Variants in VRK2 observed in about 807,000 individuals in gnomAD.
The protein encoded by VRK2 is VRK serine/threonine kinase 2.
A neutral mutation model predicts 57.6 loss-of-function variants in VRK2; 60 were observed. The observed-to-expected ratio is 1.04, with a 90% CI of 0.85 to 1.29. The LOEUF is 1.29. Among genes scored for constraint, VRK2 ranks in the 50% most tolerant of loss-of-function variants. The pLI is 0.00. For synonymous variants in VRK2, 231 were observed against 199.2 expected (o/e 1.16, Z -1.35); for missense variants, 705 against 588.1 (o/e 1.20, Z -2.06).
intron 7 of VRK2, among the ~76,000 whole-genome samples, chr2:58,112,164 G>A (rs565794494): frequency 2.6e-5 from 4 of 152,108 alleles, no homozygotes; most frequent in East Asian, 1.9e-4. Flanking sequence ...GCCAGGATTC[G>A]AATCCTGCTT....
intron 1 of VRK2, among the ~76,000 whole-genome samples, chr2:57,944,241 C>G (rs1671186644): frequency 6.6e-6 from 1 of 152,154 alleles, no homozygotes; most frequent in South Asian, 2.1e-4. Flanking sequence ...CAAGGTTTCT[C>G]TTTCTTTATT....
intron 1 of VRK2, among the ~76,000 whole-genome samples, chr2:57,952,752 A>AT (rs984603832): frequency 1.5e-4 from 20 of 130,020 alleles, no homozygotes; most frequent in Non-Finnish European, 2.7e-4. Context: ...CTGAAAATGA[A>AT]AAAAAAAAAA....
intron 7 of VRK2, among the ~76,000 whole-genome samples, chr2:58,103,595 G>A (rs908687501): frequency 3.3e-5 from 5 of 151,516 alleles, no homozygotes; most frequent in Non-Finnish European, 5.9e-5. Context: ...AGATAGAATC[G>A]GTAATAGAAA....
intron 1 of VRK2, among the ~76,000 whole-genome samples, chr2:58,013,675 C>T (rs1305065188): frequency 6.6e-6 from 1 of 151,244 alleles, no homozygotes; most frequent in Non-Finnish European, 1.5e-5. Context: ...ATCGAGACCA[C>T]GGTGAAACCC....
chr2:58,089,175 C>T (rs917393934), intron 6 of VRK2, among the ~76,000 whole-genome samples: 2 of 152,194 alleles, frequency 1.3e-5, no homozygotes, highest in African/African-American at 4.8e-5. Context: ...TATTACCATA[C>T]AGAGGAAGAA....
rs58729342 is a variant in VRK2, at chr2:58,028,903, A to AATATATATATATAT, written c.-333+3160_-333+3173dup. ...AGTATAATAAATAAATAAATAAATA[A>AATATATATATATAT]ATATATATATATATATATATATATA... is the stretch of plus-strand genomic sequence containing the variant. On this transcript the variant is annotated intron_variant, in intron 2 of 15. Coordinates refer to the VRK2 transcript ENST00000417641. Among the ~76,000 whole-genome samples, 195 of 53,998 alleles carry AATATATATATATAT rather than the reference A, an allele frequency of 3.6e-3. 2 individuals carry two copies. Among genetic ancestry groups the AATATATATATATAT allele is most frequent in the Non-Finnish European group, 5.4e-3 (153 of 28,206 alleles). The allele number at this position is 53,998 out of a possible 152,430, so 35.4% of individuals were successfully genotyped here.
chr2:58,102,356 C>T (rs1415464442), intron 7 of VRK2, among the ~76,000 whole-genome samples: 1 of 150,976 alleles, frequency 6.6e-6, no homozygotes, highest in Non-Finnish European at 1.5e-5. Context: ...TTACAAGAAA[C>T]TCACCTTGCT....
At chr2:57,992,271 G>C (rs1307358090) in intron 1 of VRK2, among the ~76,000 whole-genome samples, 1 of 152,118 alleles carries the variant, frequency 6.6e-6, no homozygotes, top group East Asian at 1.9e-4. Flanking sequence ...TTACTGCTTT[G>C]AGGAGAAATC....
At chr2:58,111,769 C>T (rs770308656) in intron 7 of VRK2, among the ~76,000 whole-genome samples, 2 of 151,518 alleles carry the variant, frequency 1.3e-5, no homozygotes, top group Middle Eastern at 3.4e-3. Context: ...AAATATTAGC[C>T]GTTTGTTTTT....
chr2:58,134,453 T>C (rs1381202501), intron 9 of VRK2, among the ~76,000 whole-genome samples: 1 of 149,196 alleles, frequency 6.7e-6, no homozygotes, highest in Admixed American at 6.6e-5. Context: ...CTACTAAAAA[T>C]ACAAAAAATT....
rs532655775 is a variant in VRK2, at chr2:58,131,722, C to T, written c.677-86C>T. On this transcript the variant is annotated intron_variant, in intron 8 of 12. Transcript: ENST00000340157. ...TTGCCTATTTGGCTTTTTCATATTTCATCAGTAGTAGTTCAACCAAAGATT... is the reference window on the plus strand; with the variant it reads ...TTGCCTATTTGGCTTTTTCATATTTTATCAGTAGTAGTTCAACCAAAGATT... 6.3e-6 allele frequency: 9 copies of T among 1,420,752 alleles called. No homozygotes were observed. In the African/African-American group the frequency reaches 8.7e-5, roughly 14 times the overall value. The allele number at this position is 1,420,752 out of a possible 1,614,324, so 88.0% of individuals were successfully genotyped here. A position where few individuals can be genotyped will look rare whatever the true frequency, so the allele number is the denominator to read the frequency against.
At chr2:58,095,000 A>G (rs952087336) in intron 7 of VRK2, among the ~76,000 whole-genome samples, 1 of 152,188 alleles carries the variant, frequency 6.6e-6, no homozygotes, top group African/African-American at 2.4e-5. Context: ...AGTTTCATTT[A>G]AAAGGAATAC....
chr2:58,077,222 C>G (rs150835430), intron 2 of VRK2, among the ~76,000 whole-genome samples: 123 of 151,860 alleles, frequency 8.1e-4, no homozygotes, highest in African/African-American at 2.8e-3. Flanking sequence ...GCTTTAAATA[C>G]CTTAGTGTAA....
intron 1 of VRK2, among the ~76,000 whole-genome samples, chr2:58,010,521 C>A (rs1056938983): frequency 1.3e-5 from 2 of 152,034 alleles, no homozygotes; most frequent in Admixed American, 6.6e-5. Flanking sequence ...TGGATAAGGG[C>A]AACTTAGCCT....
chr2:58,054,684 T>A (rs1484600670), intron 2 of VRK2, among the ~76,000 whole-genome samples: 2 of 152,140 alleles, frequency 1.3e-5, no homozygotes, highest in African/African-American at 4.8e-5. Flanking sequence ...GAGAGCTCAT[T>A]AGAAATTAGC....
chr2:57,970,035 G>C (rs1672045306), intron 1 of VRK2, among the ~76,000 whole-genome samples: 2 of 151,472 alleles, frequency 1.3e-5, no homozygotes, highest in Admixed American at 1.3e-4. Context: ...TCTTAGGTTT[G>C]AGTATGGGAG....
intron 1 of VRK2, among the ~76,000 whole-genome samples, chr2:58,006,596 CT>C (rs1239944978): frequency 1.3e-5 from 2 of 152,104 alleles, no homozygotes; most frequent in African/African-American, 4.8e-5. Context: ...ATTGAAGTCA[CT>C]ACATTAGAAA....
intron 1 of VRK2, among the ~76,000 whole-genome samples, chr2:57,998,001 CAT>C (rs1368162651): frequency 1.3e-5 from 2 of 152,066 alleles, no homozygotes; most frequent in African/African-American, 4.8e-5. Context: ...GACATAGACA[CAT>C]AATGATCAGA....
chr2:58,098,167 A>T (rs1196755979), intron 7 of VRK2, among the ~76,000 whole-genome samples: 10 of 152,258 alleles, frequency 6.6e-5, no homozygotes, highest in African/African-American at 2.4e-4. Flanking sequence ...CAGAATAAGG[A>T]TATAAAGTAT....
Sources: gnomAD v4.1 joint callset for allele counts (sites outside exome capture counted in the v4.1 genomes callset) on GRCh38, gnomAD v4.1.1 for gene constraint, MANE v1.5 for transcripts, NCBI Gene and HGNC (gene_info 2026-07-23, HGNC 2026-07-21) for gene names.